The following FCHO2 variants were observed in gnomAD, a reference collection of about 807,000 sequenced individuals.
FCHO2 encodes the protein F-BAR domain only protein 2.
FCHO2 carries 43 observed loss-of-function variants against 114.1 expected under a neutral mutation model. The observed-to-expected ratio is 0.38, with a 90% CI of 0.30 to 0.49. The LOEUF is 0.49. Among genes scored for constraint, FCHO2 ranks in the 20% least tolerant of loss-of-function variants. The pLI, the probability that FCHO2 is intolerant of heterozygous loss-of-function variation, is 0.97. For synonymous variants in FCHO2, 293 were observed against 315.2 expected (o/e 0.93, Z 0.75); for missense variants, 807 against 950.4 (o/e 0.85, Z 1.98).
intron 6 of FCHO2, among the ~76,000 whole-genome samples, chr5:73,014,375 GC>G (rs1375920860): frequency 6.8e-6 from 1 of 147,670 alleles, no homozygotes; most frequent in East Asian, 2.0e-4. Flanking sequence ...TGCAACCCCT[GC>G]CTCCCGGGTT....
chr5:73,072,762 T>A lies in FCHO2; in HGVS notation c.1580-1980T>A, dbSNP rs533120408. Among the ~76,000 whole-genome samples the A allele has an allele frequency of 5.9e-5, 9 of 152,096 alleles. No individual in the cohort carries two copies. In the East Asian group the frequency reaches 1.4e-3, roughly 23 times the overall value. The stretch of plus-strand genomic sequence containing the variant: ...GGTGGGAGTTGTTGTTTCATGGGTA[T>A]AGGGTTTCCGTTTTATAAGACGAAC... On this transcript the variant is annotated intron_variant, in intron 19 of 25. Transcript: ENST00000430046.
intron 5 of FCHO2, among the ~76,000 whole-genome samples, chr5:72,992,952 A>G (rs1753883277): frequency 6.8e-6 from 1 of 148,114 alleles, no homozygotes; most frequent in South Asian, 2.1e-4. Flanking sequence ...GAAGAAGAGA[A>G]AAGAGGGCAA....
intron 7 of FCHO2, 50 bp from the exon 8 acceptor site, chr5:73,017,162 A>G: frequency 2.8e-6 from 3 of 1,056,496 alleles, no homozygotes; most frequent in Non-Finnish European, 4.0e-6. Flanking sequence ...TATCTGAAAT[A>G]CACTAAGAAT....
At chr5:72,987,339 G>GTTTATTTA (rs957218840) in intron 2 of FCHO2, among the ~76,000 whole-genome samples, 1 of 151,636 alleles carries the variant, frequency 6.6e-6, no homozygotes, top group African/African-American at 2.4e-5. Context: ...ATGTTTGTTT[G>GTTTATTTA]TTTATTTATT....
In FCHO2 at chr5:72,983,933, T is replaced by A. The variant is rs574361429; in HGVS notation, c.126-5494T>A. Among the ~76,000 whole-genome samples, 8 of 152,232 alleles carry A rather than the reference T, an allele frequency of 5.3e-5. No individual in the cohort carries two copies. In the South Asian group the frequency reaches 1.7e-3, roughly 32 times the overall value. On this transcript the variant is annotated intron_variant, in intron 2 of 25. Transcript: ENST00000430046. ...GAATTGTGAGGCCATAAGGTATACG[T>A]GTGTTCAACTCGAGTGACTAATAGC...
At chr5:73,022,905 A>G (rs995892211) in intron 8 of FCHO2, among the ~76,000 whole-genome samples, 7 of 152,152 alleles carry the variant, frequency 4.6e-5, no homozygotes, top group Non-Finnish European at 8.8e-5. Flanking sequence ...CAAGGAAGAC[A>G]TCAACAGTCC....
rs992358258 is a variant in FCHO2 at position 73,088,746 on chromosome 5, G to A, written c.*656G>A. Reference sequence around the variant, plus strand: ...AAATAAGCTTGCAAATGACAGCAGAGACATTTACTTCTGCAGTTAGTTAAC... The same window carrying A: ...AAATAAGCTTGCAAATGACAGCAGAAACATTTACTTCTGCAGTTAGTTAAC... On this transcript the variant is annotated 3_prime_UTR_variant, in exon 26 of 26. Transcript: ENST00000430046. The A allele has an allele frequency of 3.9e-5, 6 of 152,512 alleles. No homozygotes were observed. The highest frequency in any genetic ancestry group is 5.9e-5 in the Non-Finnish European group (4 of 68,008). 9.4% of individuals were successfully genotyped at this position (152,512 alleles called of 1,614,324 possible). A position where few individuals can be genotyped will look rare whatever the true frequency, so the allele number is the denominator to read the frequency against.
chr5:72,958,386 C>T (rs1276333251), intron 1 of FCHO2, among the ~76,000 whole-genome samples: 1 of 152,124 alleles, frequency 6.6e-6, no homozygotes, highest in Non-Finnish European at 1.5e-5. Flanking sequence ...GGTATAACTT[C>T]ATTCTTTTGC....
chr5:73,031,474 TATTA>T (rs1049887300), intron 8 of FCHO2, among the ~76,000 whole-genome samples: 17 of 152,298 alleles, frequency 1.1e-4, no homozygotes, highest in African/African-American at 4.1e-4. Context: ...CAACAGGGAT[TATTA>T]ATTAAATATT....
chr5:72,969,113 C>A (rs549761278), intron 2 of FCHO2, among the ~76,000 whole-genome samples: 1 of 152,248 alleles, frequency 6.6e-6, no homozygotes, highest in East Asian at 1.9e-4. Flanking sequence ...GATTCAAAAT[C>A]AAACAACTCA....
In FCHO2 at chr5:73,017,374, T is replaced by G. The variant is rs1176893991; in HGVS notation, c.796+66T>G. The G allele has an allele frequency of 3.0e-6, 3 of 991,080 alleles. No homozygotes were observed. The African/African-American group carries it at 5.0e-5, about 17-fold the overall frequency. 61.4% of individuals were successfully genotyped at this position (991,080 alleles called of 1,614,324 possible). ...CCATATAGTAACTAACATATTTGCC[T>G]TGAAGATCATGTGGGTAAGGGGTAA... is the stretch of plus-strand genomic sequence containing the variant. On this transcript the variant is annotated intron_variant, in intron 8 of 25. Transcript: ENST00000430046.
rs1016856381 is a variant in FCHO2 at position 72,960,432 on chromosome 5, G to A, written c.33+4303G>A. Among the ~76,000 whole-genome samples, 4 of 152,040 alleles carry A rather than the reference G, an allele frequency of 2.6e-5. No individual in the cohort carries two copies. In the South Asian group the frequency reaches 8.3e-4, roughly 32 times the overall value. On this transcript the variant is annotated intron_variant, in intron 1 of 25. Coordinates refer to ENST00000430046, the MANE Select transcript of FCHO2 (RefSeq NM_138782.3). ...TTGGACAGCAAAATTAAAATTGGAC[G>A]CAAAAATAATTTTACTAGTAGAAAT... is the stretch of plus-strand genomic sequence containing the variant.
At chr5:72,966,927 G>C (rs941298367) in intron 1 of FCHO2, among the ~76,000 whole-genome samples, 69 of 152,220 alleles carry the variant, frequency 4.5e-4, no homozygotes, top group African/African-American at 1.6e-3. Flanking sequence ...ACTAATTAAG[G>C]ATTCATAGGA....
At chr5:73,032,187 C>T (rs1273329425) in intron 8 of FCHO2, among the ~76,000 whole-genome samples, 1 of 152,144 alleles carries the variant, frequency 6.6e-6, no homozygotes. Context: ...GCATGTGGAG[C>T]ATATGCCATT....
At chr5:73,048,430 G>T (rs1013700719) in intron 11 of FCHO2, among the ~76,000 whole-genome samples, 3 of 152,132 alleles carry the variant, frequency 2.0e-5, no homozygotes, top group Non-Finnish European at 4.4e-5. Context: ...GGGTGACAGA[G>T]TGAGTCTCCA....
intron 11 of FCHO2, among the ~76,000 whole-genome samples, chr5:73,045,624 G>A (rs1757018898): frequency 6.6e-6 from 1 of 152,100 alleles, no homozygotes. Flanking sequence ...TGTTCTTTAT[G>A]AAATCTACTT....
At chr5:73,021,596 G>A (rs181051975) in intron 8 of FCHO2, among the ~76,000 whole-genome samples, 2 of 152,106 alleles carry the variant, frequency 1.3e-5, no homozygotes, top group East Asian at 3.9e-4. Context: ...AAAGAGCCCG[G>A]TTATTATCTT....
At chr5:72,963,678 G>T (rs1361089958) in intron 1 of FCHO2, among the ~76,000 whole-genome samples, 1 of 151,836 alleles carries the variant, frequency 6.6e-6, no homozygotes, top group Non-Finnish European at 1.5e-5. Context: ...CCTTTGGAGT[G>T]GCTAGAACTA....
At chr5:73,007,694 C>T (rs1467550979) in intron 6 of FCHO2, among the ~76,000 whole-genome samples, 1 of 152,152 alleles carries the variant, frequency 6.6e-6, no homozygotes, top group Non-Finnish European at 1.5e-5. Context: ...GGTGTGTATA[C>T]AGTACATCTG....
Sources: gnomAD v4.1 joint callset for allele counts (sites outside exome capture counted in the v4.1 genomes callset) on GRCh38, gnomAD v4.1.1 for gene constraint, MANE v1.5 for transcripts, NCBI Gene and HGNC (gene_info 2026-07-23, HGNC 2026-07-21) for gene names.